SLC6A3: variants seen among roughly 807,000 people sequenced by gnomAD.
SLC6A3 encodes sodium-dependent dopamine transporter.
Under a neutral mutation model 70.4 loss-of-function variants are expected in SLC6A3, and 19 were observed. That is an observed-to-expected ratio of 0.27 (90% CI 0.19 to 0.40). The LOEUF (loss-of-function observed/expected upper bound fraction) is 0.40, where lower values mean the gene tolerates loss of function less well. Among genes scored for constraint, SLC6A3 ranks in the 10% least tolerant of loss-of-function variants. The probability of loss-of-function intolerance (pLI) is 1.00; values close to 1 mark genes in which losing one functional copy is unlikely to be tolerated. For missense variants in SLC6A3, 613 were observed against 838.5 expected, an observed-to-expected ratio of 0.73 and a Z score of 3.32; for synonymous variants, 368 against 356.6, an observed-to-expected ratio of 1.03 and a Z score of -0.36.
In SLC6A3 at chr5:1,406,399, G is replaced by A; in HGVS notation, c.1499-111C>T. 2 of 924,008 alleles carry A rather than the reference G, an allele frequency of 2.2e-6. No homozygotes were observed. The highest frequency in any genetic ancestry group is 3.5e-6 in the Non-Finnish European group (2 of 564,186). The allele number at this position is 924,008 out of a possible 1,614,324, so 57.2% of individuals were successfully genotyped here. ...CAAGGGCCCCACCTACCGGCCCCAGGCTTCGGCTGCACCCAGCCTCCTGCA... is the reference window on the plus strand; with the variant it reads ...CAAGGGCCCCACCTACCGGCCCCAGACTTCGGCTGCACCCAGCCTCCTGCA... On this transcript the variant is annotated intron_variant, in intron 11 of 14. Transcript: ENST00000270349. The surrounding 1 kb of genome is among the most constrained non-coding windows in gnomAD (Gnocchi z 8.8).
chr5:1,434,371 A>G (rs1756781220), intron 3 of SLC6A3, among the ~76,000 whole-genome samples: 1 of 152,388 alleles, frequency 6.6e-6, no homozygotes, highest in East Asian at 1.9e-4. Flanking sequence ...ATCCATGGCC[A>G]TGCAATGCCA....
At chr5:1,416,009 G>T in intron 7 of SLC6A3, 89 bp downstream of exon 7, 2 of 1,022,944 alleles carry the variant, frequency 2.0e-6, no homozygotes, top group South Asian at 1.3e-5. Flanking sequence ...GATCCGCCCT[G>T]TTCTCATCCA....
intron 4 of SLC6A3, among the ~76,000 whole-genome samples, chr5:1,430,062 T>C (rs1013029399): frequency 3.9e-5 from 6 of 152,180 alleles, no homozygotes; most frequent in African/African-American, 1.4e-4. Context: ...GCGCTTCCTA[T>C]GGCGATGCTC....
At chr5:1,403,212 C>A in intron 12 of SLC6A3, 123 bp from the exon 13 acceptor site, 2 of 1,105,328 alleles carry the variant, frequency 1.8e-6, no homozygotes, top group Non-Finnish European at 2.7e-6. Context: ...AGGTGCAGAC[C>A]CCGGCCAGGC....
intron 14 of SLC6A3, among the ~76,000 whole-genome samples, chr5:1,400,570 CG>C (rs968793548): frequency 1.2e-4 from 18 of 152,252 alleles, no homozygotes; most frequent in African/African-American, 4.3e-4. Context: ...CCCCGTGAGG[CG>C]GGGGGTGGTG....
chr5:1,416,678 C>T (rs1047243430), intron 6 of SLC6A3: 14 of 282,114 alleles, frequency 5.0e-5, no homozygotes, highest in Admixed American at 3.9e-4. Flanking sequence ...CAGAACAGCA[C>T]GGACTCATCC....
intron 3 of SLC6A3, among the ~76,000 whole-genome samples, chr5:1,434,419 A>G (rs953187408): frequency 1.3e-5 from 2 of 152,240 alleles, no homozygotes; most frequent in African/African-American, 4.8e-5. Context: ...AGGATCACAG[A>G]CCTGGAATTT....
Position 1,420,704 on chromosome 5 carries a change from C to G in SLC6A3, c.793-1G>C, listed in dbSNP as rs1756411757. On this transcript the variant is annotated splice_acceptor_variant, in intron 5 of 14. Transcript: ENST00000270349. LOFTEE classifies it high-confidence loss of function. ...GCATGGTGGCTGTGATCCATACCAC[C>G]TGCAGGAGAGGACAGTGTCACCAGG... 6.2e-7 allele frequency: 1 copy of G among 1,613,036 alleles called. No homozygotes were observed. Among genetic ancestry groups the G allele is most frequent in the Non-Finnish European group, 8.5e-7 (1 of 1,179,910 alleles).
At chr5:1,426,021 G>A (rs960042280) in intron 4 of SLC6A3, among the ~76,000 whole-genome samples, 5 of 152,182 alleles carry the variant, frequency 3.3e-5, no homozygotes, top group African/African-American at 7.2e-5. Context: ...CAGAAAGTAA[G>A]TGTTGTCAAG....
At position 1,437,461 on chromosome 5, in the gene SLC6A3, C is replaced by T. The variant is rs1756865679; in HGVS notation, c.418+3898G>A. ...AAGGAGGGAGAGAGACAGAAAGAGACACAGGGAGAGGGAAAGAGAGCGAGG... is the reference window on the plus strand; with the variant it reads ...AAGGAGGGAGAGAGACAGAAAGAGATACAGGGAGAGGGAAAGAGAGCGAGG... On this transcript the variant is annotated intron_variant, in intron 3 of 14. Transcript: ENST00000270349. The surrounding 1 kb of genome is among the most constrained non-coding windows in gnomAD (Gnocchi z 4.8). 6.6e-6 allele frequency among the ~76,000 whole-genome samples: 1 copy of T among 151,940 alleles called. No individual in the cohort carries two copies. Among genetic ancestry groups the T allele is most frequent in the Non-Finnish European group, 1.5e-5 (1 of 67,970 alleles).
intron 14 of SLC6A3, among the ~76,000 whole-genome samples, chr5:1,395,612 C>A (rs1331265203): frequency 6.6e-6 from 1 of 152,190 alleles, no homozygotes; most frequent in Non-Finnish European, 1.5e-5. Flanking sequence ...CAGCTGATGC[C>A]GGCACAGGCA....
At chr5:1,425,892 G>A (rs954963653) in intron 4 of SLC6A3, among the ~76,000 whole-genome samples, 11 of 152,128 alleles carry the variant, frequency 7.2e-5, no homozygotes, top group African/African-American at 2.7e-4. Context: ...GTATACAAAT[G>A]GCCAATAAAC....
At position 1,441,343 on chromosome 5, in the gene SLC6A3, G is replaced by A; in HGVS notation, c.418+16C>T. On this transcript the variant is annotated intron_variant, in intron 3 of 14. Coordinates refer to ENST00000270349, the MANE Select transcript of SLC6A3 (RefSeq NM_001044.5). ...TCCGCGCTGCGCCAGGGTGAAGGGA[G>A]GCACCCGCATATTACCTTTCAGTAT... is the stretch of plus-strand genomic sequence containing the variant. 1 of 1,614,172 alleles carries A rather than the reference G, an allele frequency of 6.2e-7. No individual in the cohort carries two copies. Among genetic ancestry groups the A allele is most frequent in the African/African-American group, 1.3e-5 (1 of 75,064 alleles).
chr5:1,434,270 C>A (rs1275873032), intron 3 of SLC6A3, among the ~76,000 whole-genome samples: 8 of 152,260 alleles, frequency 5.3e-5, no homozygotes. Flanking sequence ...CACCCAGAGC[C>A]TTGCATGACT....
chr5:1,416,535 G>A (rs979082605), intron 6 of SLC6A3: 50 of 449,328 alleles, frequency 1.1e-4, no homozygotes, highest in African/African-American at 9.8e-4. Flanking sequence ...CACACGGCAT[G>A]ACCACAGCAT....
intron 3 of SLC6A3, among the ~76,000 whole-genome samples, chr5:1,435,782 C>CAG (rs1158641546): frequency 6.7e-4 from 73 of 109,464 alleles, no homozygotes; most frequent in African/African-American, 2.4e-3. Flanking sequence ...GGAAATGGCT[C>CAG]CCTTGAACGG....
At position 1,441,229 on chromosome 5, in the gene SLC6A3, C is replaced by CGT. The variant is rs1733653264; in HGVS notation, c.418+128_418+129dup. The CGT allele has an allele frequency of 2.6e-5, 28 of 1,074,422 alleles. No individual in the cohort carries two copies. In the East Asian group the frequency reaches 6.4e-4, roughly 25 times the overall value. 66.6% of individuals were successfully genotyped at this position (1,074,422 alleles called of 1,614,324 possible). On this transcript the variant is annotated intron_variant, in intron 3 of 14. Transcript: ENST00000270349. ...TAAGGTGGGACCCAAGTTCAAGTGG[C>CGT]GTGTGCCATGCCTGTGTCTTAGCAA... is the stretch of plus-strand genomic sequence containing the variant.
intron 6 of SLC6A3, among the ~76,000 whole-genome samples, chr5:1,419,329 A>ATCCG (rs1756381705): frequency 6.9e-6 from 1 of 144,166 alleles, no homozygotes; most frequent in African/African-American, 2.6e-5. Flanking sequence ...GCATTCATCC[A>ATCCG]TCCATCCATC....
intron 9 of SLC6A3, 45 bp from the exon 10 acceptor site, chr5:1,409,894 T>C: frequency 6.2e-7 from 1 of 1,610,608 alleles, no homozygotes; most frequent in Non-Finnish European, 8.5e-7. Context: ...GCGGCGCTCC[T>C]GACCGCAGCC....
Sources: gnomAD v4.1 joint callset for allele counts (sites outside exome capture counted in the v4.1 genomes callset) on GRCh38, gnomAD v4.1.1 for gene constraint, Gnocchi (gnomAD v3.1) non-coding constraint, MANE v1.5 for transcripts, NCBI Gene and HGNC (gene_info 2026-07-23, HGNC 2026-07-21) for gene names.